The following ATP5F1B variants were observed in gnomAD, a reference collection of about 807,000 sequenced individuals.
ATP5F1B encodes the protein ATP synthase F1 subunit beta.
ATP5F1B carries 17 observed loss-of-function variants against 45.9 expected under a neutral mutation model. The observed-to-expected ratio is 0.37, with a 90% CI of 0.25 to 0.56. The LOEUF is 0.56. Ranked by LOEUF, ATP5F1B falls within the 20% of genes least tolerant of loss-of-function variation. The pLI, the probability that ATP5F1B is intolerant of heterozygous loss-of-function variation, is 0.80. For missense variants in ATP5F1B, 387 were observed against 673.2 expected (o/e 0.57, Z 4.70); for synonymous variants, 218 against 256.5 (o/e 0.85, Z 1.43).
chr12:56,645,781 G>GCTACCAT, intron 1 of ATP5F1B, 56 bp downstream of exon 1: 1 of 1,586,326 alleles, frequency 6.3e-7, no homozygotes, highest in Non-Finnish European at 8.6e-7. Context: ...TCGTTCCCCG[G>GCTACCAT]CTCAAGGTCA....
In ATP5F1B at chr12:56,643,968, T is replaced by C. The variant is rs772824516; in HGVS notation, c.486-10A>G. 1.2e-6 allele frequency: 2 copies of C among 1,613,318 alleles called. No homozygotes were observed. The highest frequency in any genetic ancestry group is 1.1e-5 in the South Asian group (1 of 90,940). The stretch of plus-strand genomic sequence containing the variant: ...ATGAATGGGAGCAAATCTGTAAAGG[T>C]AGAAGAGAGGATAGTATCTATTCAC... On this transcript the variant is annotated splice_polypyrimidine_tract_variant and intron_variant, in intron 3 of 9. Transcript: ENST00000262030.
rs373472201 is a variant in ATP5F1B, at chr12:56,642,634, G to C, written c.951+39C>G. On this transcript the variant is annotated intron_variant, in intron 6 of 9. Coordinates refer to ENST00000262030, the MANE Select transcript of ATP5F1B (RefSeq NM_001686.4). Reference sequence around the variant, plus strand: ...ACATCCTTAGCCTCATCCGAAGAAAGGCCAGATGAACCAGGTCCTCTCAAG... The same window carrying C: ...ACATCCTTAGCCTCATCCGAAGAAACGCCAGATGAACCAGGTCCTCTCAAG... The C allele has an allele frequency of 9.9e-6, 16 of 1,613,838 alleles. No homozygotes were observed. In the African/African-American group the frequency reaches 2.1e-4, roughly 22 times the overall value.
chr12:56,645,432 G>GA (rs1951542304), intron 1 of ATP5F1B, 79 bp from the exon 2 acceptor site: 7 of 1,468,608 alleles, frequency 4.8e-6, no homozygotes, highest in Non-Finnish European at 9.2e-7. Context: ...AACACACAAG[G>GA]AGAGGAAAAC....
intron 7 of ATP5F1B, 137 bp downstream of exon 7, chr12:56,642,321 A>G (rs532478420): frequency 4.8e-4 from 615 of 1,271,044 alleles, no homozygotes; most frequent in Non-Finnish European, 6.3e-4. Context: ...ATCTCTCTAC[A>G]TACATACAGC....
intron 1 of ATP5F1B, among the ~76,000 whole-genome samples, chr12:56,645,594 G>C (rs988344285): frequency 3.9e-5 from 6 of 152,164 alleles, no homozygotes; most frequent in Non-Finnish European, 8.8e-5. Context: ...CAACCGGAAG[G>C]TCAACGCACC....
At chr12:56,645,114 T>G in intron 2 of ATP5F1B, 57 bp downstream of exon 2, 1 of 1,611,532 alleles carries the variant, frequency 6.2e-7, no homozygotes, top group African/African-American at 1.3e-5. Flanking sequence ...GACAGCTTGG[T>G]TTTGGGGATA....
At chr12:56,642,403 C>A in intron 7 of ATP5F1B, 55 bp downstream of exon 7, 3 of 1,607,292 alleles carry the variant, frequency 1.9e-6, no homozygotes, top group Admixed American at 1.7e-5. Context: ...CTGAGATGCA[C>A]CACTGCACCC....
chr12:56,645,329 G>C lies in ATP5F1B; in HGVS notation c.152C>G (p.Ser51Cys), dbSNP rs376765679. 1.2e-6 allele frequency: 2 copies of C among 1,614,114 alleles called. No individual in the cohort carries two copies. The highest frequency in any genetic ancestry group is 1.3e-5 in the African/African-American group (1 of 75,074). The change falls in exon 2 of 10, where the codon TCT becomes TGT. Residue 51 changes from serine to cysteine, a missense_variant. Transcript: ENST00000262030. Reference protein sequence around the residue: ...HPVRDYAAQTSPSPKAGAATG... With the variant: ...HPVRDYAAQTCPSPKAGAATG... ...GGCGGCGCCTGCTTTTGGCGAAGGA[G>C]ATGTTTGCGCCGCATAGTCCCTGAC...
intron 9 of ATP5F1B, 66 bp downstream of exon 9, chr12:56,639,040 G>A: frequency 6.9e-7 from 1 of 1,455,646 alleles, no homozygotes; most frequent in Middle Eastern, 1.7e-4. Context: ...TACATATATT[G>A]CTTGACGGTT....
At position 56,638,392 on chromosome 12, in the gene ATP5F1B, G is replaced by A. The variant is rs779979814; in HGVS notation, c.1521C>T (p.Phe507=). 6.2e-7 allele frequency: 1 copy of A among 1,613,612 alleles called. No homozygotes were observed. Among genetic ancestry groups the A allele is most frequent in the South Asian group, 1.1e-5 (1 of 91,072 alleles). Residue 507 remains phenylalanine, a synonymous_variant, in exon 10 of 10, where the codon TTC becomes TTT. Transcript: ENST00000262030. ...CTTCTTCAATGGGTCCCACCATATA[G>A]AAGGCCTGTTCTGGGAGATGGTCAT... ...GEYDHLPEQA[F]YMVGPIEEAV...
chr12:56,642,949 G>A, intron 5 of ATP5F1B, 118 bp from the exon 6 acceptor site: 5 of 1,164,160 alleles, frequency 4.3e-6, no homozygotes, highest in Non-Finnish European at 5.9e-6. Context: ...CAGCGTTTTT[G>A]TGTGCAAGTT....
chr12:56,644,760 G>A (rs753664483), intron 3 of ATP5F1B, 21 bp downstream of exon 3: 8 of 1,599,580 alleles, frequency 5.0e-6, no homozygotes, highest in South Asian at 3.3e-5. Flanking sequence ...TTTGTGCATA[G>A]ATGCAATAAG....
At chr12:56,645,657 T>C (rs901219586) in intron 1 of ATP5F1B, among the ~76,000 whole-genome samples, 180 bp downstream of exon 1, 5 of 152,238 alleles carry the variant, frequency 3.3e-5, no homozygotes, top group Non-Finnish European at 7.3e-5. Flanking sequence ...GGGACAGAGC[T>C]GGGTCGAAGA....
At chr12:56,643,306 G>A (rs1565848330) in intron 5 of ATP5F1B, 97 bp downstream of exon 5, 6 of 1,168,262 alleles carry the variant, frequency 5.1e-6, no homozygotes, top group Non-Finnish European at 1.2e-6. Flanking sequence ...TTCTTAAAAA[G>A]AAAAAAAAAT....
chr12:56,643,312 A>C, intron 5 of ATP5F1B, 91 bp downstream of exon 5: 1 of 1,224,434 alleles, frequency 8.2e-7, no homozygotes, highest in Non-Finnish European at 1.1e-6. Flanking sequence ...AAAAGAAAAA[A>C]AAATTAAATA....
chr12:56,645,016 C>T (rs867334160), intron 2 of ATP5F1B, 61 bp from the exon 3 acceptor site: 1 of 1,611,704 alleles, frequency 6.2e-7, no homozygotes, highest in African/African-American at 1.3e-5. Context: ...AGACCTAAAT[C>T]GACCAAGACT....
chr12:56,639,918 T>C (rs528493009), intron 8 of ATP5F1B, 62 bp downstream of exon 8: 5 of 1,545,418 alleles, frequency 3.2e-6, no homozygotes, highest in African/African-American at 2.7e-5. Context: ...AGTCCTCATA[T>C]AGTCCCCACA....
At chr12:56,642,017 G>A (rs1221654954) in intron 7 of ATP5F1B, among the ~76,000 whole-genome samples, 1 of 151,340 alleles carries the variant, frequency 6.6e-6, no homozygotes, top group African/African-American at 2.4e-5. Flanking sequence ...AATTTTTTGA[G>A]GCAGAGTCTG....
At chr12:56,642,214 G>A (rs1218057280) in intron 7 of ATP5F1B, among the ~76,000 whole-genome samples, 1 of 150,810 alleles carries the variant, frequency 6.6e-6, no homozygotes, top group Non-Finnish European at 1.5e-5. Flanking sequence ...CCAGGGTGGT[G>A]TCTTAACTCC....
Sources: allele counts gnomAD v4.1 joint callset (sites outside exome capture counted in the v4.1 genomes callset), GRCh38; gene constraint gnomAD v4.1.1; transcripts MANE v1.5; gene names NCBI Gene and HGNC (gene_info 2026-07-23, HGNC 2026-07-21).